The following GJA3 variants were observed in gnomAD, a reference collection of about 807,000 sequenced individuals.
GJA3 encodes the protein gap junction protein alpha 3.
For synonymous variants in GJA3, 297 were observed against 292.6 expected, an observed-to-expected ratio of 1.02 and a Z score of -0.15; for missense variants, 571 against 620.3, an observed-to-expected ratio of 0.92 and a Z score of 0.84.
At chr13:20,149,102 G>A (rs186326448) in intron 1 of GJA3, among the ~76,000 whole-genome samples, 4 of 152,276 alleles carry the variant, frequency 2.6e-5, no homozygotes, top group Admixed American at 2.6e-4. Flanking sequence ...TGGCCTTCAA[G>A]ATCCATTGCA....
At chr13:20,148,767 G>A (rs930602299) in intron 1 of GJA3, among the ~76,000 whole-genome samples, 1 of 152,218 alleles carries the variant, frequency 6.6e-6, no homozygotes. Flanking sequence ...ACGGGCTTTC[G>A]CTCATCACCC....
intron 1 of GJA3, among the ~76,000 whole-genome samples, chr13:20,149,841 T>G (rs1181361279): frequency 1.3e-5 from 2 of 152,220 alleles, no homozygotes; most frequent in Non-Finnish European, 2.9e-5. Flanking sequence ...TAGCAGACGT[T>G]CAATAAACAC....
chr13:20,150,372 GGTGT>G (rs71816956), intron 1 of GJA3, among the ~76,000 whole-genome samples: 34 of 147,884 alleles, frequency 2.3e-4, no homozygotes, highest in East Asian at 4.1e-4. Flanking sequence ...CACTGCTCCT[GGTGT>G]GTGTGTGTGT....
At chr13:20,151,316 C>T (rs927277648) in intron 1 of GJA3, among the ~76,000 whole-genome samples, 29 of 152,158 alleles carry the variant, frequency 1.9e-4, no homozygotes, top group African/African-American at 6.8e-4. Flanking sequence ...TGGAAGAGAT[C>T]AGCTCCTGCC....
At chr13:20,151,741 A>C (rs529482980) in intron 1 of GJA3, among the ~76,000 whole-genome samples, 1 of 152,252 alleles carries the variant, frequency 6.6e-6, no homozygotes, top group East Asian at 1.9e-4. Context: ...CAGACAGGCC[A>C]CAGCAGATGG....
chr13:20,148,253 C>CTTTTTTTTT (rs71074204), intron 1 of GJA3, among the ~76,000 whole-genome samples: 1 of 90,726 alleles, frequency 1.1e-5, no homozygotes, highest in Non-Finnish European at 2.2e-5. Context: ...TACTATGGTT[C>CTTTTTTTTT]TTTTTTTTTT....
At chr13:20,153,945 C>T (rs1052362702) in intron 1 of GJA3, among the ~76,000 whole-genome samples, 17 of 152,114 alleles carry the variant, frequency 1.1e-4, no homozygotes, top group East Asian at 1.9e-4. Context: ...TATTAGTTTT[C>T]GTCTCCGGAA....
In GJA3 at chr13:20,150,766, T is replaced by A. The variant is rs1308620193; in HGVS notation, c.-17-7461A>T. 4.6e-5 allele frequency among the ~76,000 whole-genome samples: 7 copies of A among 152,146 alleles called. No individual in the cohort carries two copies. The East Asian group carries it at 1.4e-3, about 29-fold the overall frequency. On this transcript the variant is annotated intron_variant, in intron 1 of 1. Transcript: ENST00000241125. ...AGCTGTGACAGCCACTTGCCTCCGATGGGTGAGGCTGGAGAGCCAGGGCCC... is the reference window on the plus strand; with the variant it reads ...AGCTGTGACAGCCACTTGCCTCCGAAGGGTGAGGCTGGAGAGCCAGGGCCC...
intron 1 of GJA3, among the ~76,000 whole-genome samples, chr13:20,146,717 G>A (rs954933831): frequency 6.6e-6 from 1 of 152,038 alleles, no homozygotes; most frequent in South Asian, 2.1e-4. Context: ...TGAGAGACAT[G>A]AATCCAACAA....
chr13:20,148,253 C>CTTTTTT (rs71074204), intron 1 of GJA3, among the ~76,000 whole-genome samples: 72 of 90,722 alleles, frequency 7.9e-4, no homozygotes, highest in Non-Finnish European at 1.0e-3. Context: ...TACTATGGTT[C>CTTTTTT]TTTTTTTTTT....
chr13:20,160,140 G>C lies in GJA3; in HGVS notation c.-18+750C>G, dbSNP rs373942769. Among the ~76,000 whole-genome samples the C allele has an allele frequency of 2.6e-4, 40 of 152,032 alleles. No individual in the cohort carries two copies. The East Asian group carries it at 7.1e-3, about 27-fold the overall frequency. On this transcript the variant is annotated intron_variant, in intron 1 of 1. Transcript: ENST00000241125. The stretch of plus-strand genomic sequence containing the variant: ...GAATTTTGCTCACTAGTGTGGAGTC[G>C]GCAACAAAGCAAATGCAGCCGCGTC...
Position 20,142,921 on chromosome 13 carries a change from T to C in GJA3, c.368A>G (p.Lys123Arg), listed in dbSNP as rs1466612058. 5 of 1,581,468 alleles carry C rather than the reference T, an allele frequency of 3.2e-6. No individual in the cohort carries two copies. In the East Asian group the frequency reaches 7.0e-5, roughly 22 times the overall value. The change falls in exon 2 of 2, where the codon AAG (lysine) becomes AGG (arginine). Residue 123 changes from lysine to arginine, a missense_variant. Lys to Arg is a conservative substitution (Grantham distance 26). Coordinates refer to ENST00000241125, the MANE Select transcript of GJA3 (RefSeq NM_021954.4). The part of the protein sequence containing the change: ...EQLKRESPSP[K>R]EPPQDNPSSR... ...CGAGGGATTGTCCTGCGGTGGCTCC[T>C]TGGGGCTGGGGCTCTCTCTCTTCAG...
intron 1 of GJA3, among the ~76,000 whole-genome samples, chr13:20,144,950 G>T (rs1450989050): frequency 2.6e-5 from 4 of 152,238 alleles, no homozygotes; most frequent in African/African-American, 9.6e-5. Context: ...GGAGGCTAAG[G>T]CGGAAGGATC....
chr13:20,155,947 A>G (rs1397853113), intron 1 of GJA3, among the ~76,000 whole-genome samples: 1 of 152,162 alleles, frequency 6.6e-6, no homozygotes, highest in African/African-American at 2.4e-5. Flanking sequence ...CTGTTGCAGG[A>G]AACATTACTC....
At chr13:20,158,699 G>A (rs574398146) in intron 1 of GJA3, among the ~76,000 whole-genome samples, 1 of 151,788 alleles carries the variant, frequency 6.6e-6, no homozygotes, top group Admixed American at 6.6e-5. Flanking sequence ...ATCACCTGAG[G>A]TCAGGAGTTT....
At chr13:20,145,607 A>T (rs1464715079) in intron 1 of GJA3, among the ~76,000 whole-genome samples, 1 of 152,204 alleles carries the variant, frequency 6.6e-6, no homozygotes. Context: ...ACTGCACAGG[A>T]CAAAACCATG....
intron 1 of GJA3, among the ~76,000 whole-genome samples, chr13:20,147,064 A>G (rs1958847323): frequency 6.6e-6 from 1 of 152,206 alleles, no homozygotes; most frequent in Non-Finnish European, 1.5e-5. Context: ...TCTGCTGGGG[A>G]ATGTCTGGGA....
In GJA3 at chr13:20,142,527, GGGC is replaced by G. The variant is rs1958816524; in HGVS notation, c.759_761del (p.Pro254del). 2 of 1,555,456 alleles carry G rather than the reference GGGC, an allele frequency of 1.3e-6. No individual in the cohort carries two copies. Among genetic ancestry groups the G allele is most frequent in the Non-Finnish European group, 1.7e-6 (2 of 1,150,674 alleles). On this transcript the variant is annotated inframe_deletion, in exon 2 of 2. Coordinates refer to ENST00000241125, the MANE Select transcript of GJA3 (RefSeq NM_021954.4). ...CGGGCGGCCGGGAGCTGGGGGGCAG[GGGC>G]GGGGGATCGGCTGTCCCCAGCGGGG... is the stretch of plus-strand genomic sequence containing the variant.
intron 1 of GJA3, among the ~76,000 whole-genome samples, chr13:20,149,073 C>T (rs774428039): frequency 1.6e-4 from 25 of 152,196 alleles, no homozygotes; most frequent in South Asian, 6.2e-4. Context: ...TTCCTTTCAA[C>T]GGTAAATTGT....
Sources: allele counts gnomAD v4.1 joint callset (sites outside exome capture counted in the v4.1 genomes callset), GRCh38; gene constraint gnomAD v4.1.1; transcripts MANE v1.5; gene names NCBI Gene and HGNC (gene_info 2026-07-23, HGNC 2026-07-21).